The following NOX4 variants were observed in gnomAD, a reference collection of about 807,000 sequenced individuals.
The protein encoded by NOX4 is NADPH oxidase 4.
A neutral mutation model predicts 87.6 loss-of-function variants in NOX4; 69 were observed. That is an observed-to-expected ratio of 0.79 (90% CI 0.65 to 0.96). The LOEUF is 0.96. NOX4 is among the 40% of genes least tolerant of loss of function. The probability of loss-of-function intolerance (pLI) is 0.00; values close to 1 mark genes in which losing one functional copy is unlikely to be tolerated. For synonymous variants in NOX4, 275 were observed against 238.2 expected, an observed-to-expected ratio of 1.15 and a Z score of -1.42; for missense variants, 680 against 681.5, an observed-to-expected ratio of 1.00 and a Z score of 0.02.
intron 17 of NOX4, among the ~76,000 whole-genome samples, chr11:89,333,901 T>G (rs954560248): frequency 6.6e-6 from 1 of 151,758 alleles, no homozygotes; most frequent in African/African-American, 2.4e-5. Context: ...CAGCAGATGG[T>G]GCACATTTGC....
chr11:89,436,509 A>G (rs891154217), intron 6 of NOX4, among the ~76,000 whole-genome samples: 8 of 152,124 alleles, frequency 5.3e-5, no homozygotes, highest in African/African-American at 1.9e-4. Flanking sequence ...AGCAAAATAC[A>G]TGTTTACATG....
the NOX4 span, among the ~76,000 whole-genome samples, chr11:89,516,860 G>C: frequency 6.6e-6 from 1 of 151,972 alleles, no homozygotes; most frequent in South Asian, 2.1e-4. Flanking sequence ...AGCATCGTGG[G>C]TATTTGGGGA....
chr11:89,471,054 T>C (rs1945916074), intron 2 of NOX4, among the ~76,000 whole-genome samples: 2 of 152,188 alleles, frequency 1.3e-5, no homozygotes, highest in Admixed American at 1.3e-4. Context: ...AAGGGCTTGC[T>C]AGGGCCCATA....
At chr11:89,405,462 G>T (rs567938672) in intron 8 of NOX4, among the ~76,000 whole-genome samples, 33 of 151,818 alleles carry the variant, frequency 2.2e-4, no homozygotes, top group Non-Finnish European at 3.1e-4. Context: ...CAGATTTCAA[G>T]CTTTATTTCA....
chr11:89,458,660 T>C (rs188285039), intron 2 of NOX4, among the ~76,000 whole-genome samples: 70 of 152,118 alleles, frequency 4.6e-4, no homozygotes, highest in African/African-American at 1.6e-3. Flanking sequence ...AAAGACACTT[T>C]TCCAAAGAAG....
chr11:89,574,132 A>T, the NOX4 span, among the ~76,000 whole-genome samples: 1 of 152,144 alleles, frequency 6.6e-6, no homozygotes, highest in South Asian at 2.1e-4. Flanking sequence ...ATTTTTAGAG[A>T]GGCAGTGTGA....
intron 2 of NOX4, among the ~76,000 whole-genome samples, chr11:89,461,739 C>A (rs535351713): frequency 1.3e-5 from 2 of 151,860 alleles, no homozygotes; most frequent in African/African-American, 2.4e-5. Flanking sequence ...GGAACAAAAT[C>A]TCATTACAGA....
chr11:89,440,805 A>T, intron 5 of NOX4, 90 bp from the exon 6 acceptor site: 1 of 654,028 alleles, frequency 1.5e-6, no homozygotes, highest in Non-Finnish European at 2.5e-6. Context: ...TACAAACCAC[A>T]TACTTGTCAT....
At chr11:89,361,643 T>A (rs768426749) in intron 12 of NOX4, among the ~76,000 whole-genome samples, 15 of 152,052 alleles carry the variant, frequency 9.9e-5, no homozygotes, top group Non-Finnish European at 1.9e-4. Flanking sequence ...GCTTAAGGAA[T>A]GAAAAGAAAT....
intron 11 of NOX4, among the ~76,000 whole-genome samples, chr11:89,374,353 T>A (rs1199855069): frequency 6.6e-6 from 1 of 152,154 alleles, no homozygotes; most frequent in African/African-American, 2.4e-5. Context: ...AACATCCTGT[T>A]GGATATATTA....
chr11:89,484,064 G>T (rs969750694), intron 2 of NOX4, among the ~76,000 whole-genome samples: 25 of 152,076 alleles, frequency 1.6e-4, no homozygotes, highest in African/African-American at 5.8e-4. Context: ...ATTAATCAGT[G>T]CAAAGCTCTT....
the NOX4 span, among the ~76,000 whole-genome samples, chr11:89,555,772 ATGTG>A: frequency 6.6e-6 from 1 of 152,148 alleles, no homozygotes; most frequent in East Asian, 1.9e-4. Context: ...GGAACCATGT[ATGTG>A]TAAGCAGAGA....
chr11:89,534,729 G>T, the NOX4 span, among the ~76,000 whole-genome samples: 1 of 152,160 alleles, frequency 6.6e-6, no homozygotes, highest in African/African-American at 2.4e-5. Context: ...CCAGTAGACT[G>T]GACTGCCCTG....
chr11:89,407,059 C>T lies in NOX4; in HGVS notation c.630-4517G>A, dbSNP rs1179651961. Among the ~76,000 whole-genome samples, 10 of 152,042 alleles carry T rather than the reference C, an allele frequency of 6.6e-5. 1 individual carries two copies. The South Asian group carries it at 1.9e-3, about 28-fold the overall frequency. On this transcript the variant is annotated intron_variant, in intron 8 of 17. Coordinates refer to ENST00000263317, the MANE Select transcript of NOX4 (RefSeq NM_016931.5). ...AGGGATCATGTCTTATGCATTTATC[C>T]CTTATACATTCATACTCACTGCCAA...
intron 11 of NOX4, among the ~76,000 whole-genome samples, chr11:89,387,087 GA>G (rs1565224440): frequency 6.6e-6 from 1 of 151,958 alleles, no homozygotes; most frequent in Non-Finnish European, 1.5e-5. Context: ...GCAGCCCTGA[GA>G]AACATCGCCG....
At chr11:89,513,712 A>G in the NOX4 span, among the ~76,000 whole-genome samples, 4 of 151,988 alleles carry the variant, frequency 2.6e-5, no homozygotes, top group Non-Finnish European at 5.9e-5. Context: ...TAATCCTCAG[A>G]ACAAACCTGT....
At chr11:89,527,129 A>G in the NOX4 span, among the ~76,000 whole-genome samples, 2 of 152,176 alleles carry the variant, frequency 1.3e-5, no homozygotes, top group Non-Finnish European at 2.9e-5. Context: ...TACGCTAGAA[A>G]TATGTGGAAC....
intron 2 of NOX4, among the ~76,000 whole-genome samples, chr11:89,482,380 T>C (rs1946426618): frequency 6.6e-6 from 1 of 151,572 alleles, no homozygotes; most frequent in South Asian, 2.1e-4. Context: ...AATGTAACTA[T>C]ATTTGGACAC....
At chr11:89,439,780 C>T (rs969543086) in intron 6 of NOX4, among the ~76,000 whole-genome samples, 11 of 152,188 alleles carry the variant, frequency 7.2e-5, no homozygotes, top group South Asian at 4.1e-4. Flanking sequence ...GATGTTCAAA[C>T]GTGCTTTAAC....
Sources: gnomAD v4.1 joint callset for allele counts (sites outside exome capture counted in the v4.1 genomes callset) on GRCh38, gnomAD v4.1.1 for gene constraint, MANE v1.5 for transcripts, NCBI Gene and HGNC (gene_info 2026-07-23, HGNC 2026-07-21) for gene names.